The following RGPD8 variants were observed in gnomAD, a reference collection of about 807,000 sequenced individuals.
The protein encoded by RGPD8 is RANBP2-like and GRIP domain-containing protein 8.
A neutral mutation model predicts 89.1 loss-of-function variants in RGPD8; 15 were observed. The observed-to-expected ratio is 0.17, with a 90% CI of 0.11 to 0.26. The LOEUF (loss-of-function observed/expected upper bound fraction) is 0.26. Among genes scored for constraint, RGPD8 ranks in the 10% least tolerant of loss-of-function variants. RGPD8 has a pLI of 1.00. For missense variants in RGPD8, 178 were observed against 1,179.6 expected, an observed-to-expected ratio of 0.15 and a Z score of 12.44; for synonymous variants, 62 against 420.9, an observed-to-expected ratio of 0.15 and a Z score of 10.44.
At chr2:112,370,359 G>GGGGGGGGGTT (rs1249646916) in intron 22 of RGPD8, 147 bp from the exon 23 acceptor site, 3 of 100,748 alleles carry the variant, frequency 3.0e-5, no homozygotes, top group African/African-American at 1.4e-4. Flanking sequence ...GGGGGGGGGG[G>GGGGGGGGGTT]TTCTTTTTTT....
At position 112,389,276 on chromosome 2, in the gene RGPD8, T is replaced by TGAA. The variant is rs1265884558; in HGVS notation, c.3666_3668dup (p.Ser1223dup). 6.3e-7 allele frequency: 1 copy of TGAA among 1,579,328 alleles called. No individual in the cohort carries two copies. Among genetic ancestry groups the TGAA allele is most frequent in the Admixed American group, 1.7e-5 (1 of 59,238 alleles). ...CTGAGGCACCGGCCACACCTGTACCTGAACCCTTATTTTCTTCCTCAGTGA... is the reference window on the plus strand; with the variant it reads ...CTGAGGCACCGGCCACACCTGTACCTGAAGAACCCTTATTTTCTTCCTCAGTGA... On this transcript the variant is annotated inframe_insertion, in exon 20 of 23. Coordinates refer to ENST00000302558, the MANE Select transcript of RGPD8 (RefSeq NM_001164463.1).
At chr2:112,370,454 C>T (rs1399938809) in intron 22 of RGPD8, among the ~76,000 whole-genome samples, 1 of 112,994 alleles carries the variant, frequency 8.9e-6, no homozygotes, top group African/African-American at 3.4e-5. Flanking sequence ...TTCAATGCAG[C>T]CTTGATCTCC....
chr2:112,431,936 G>C (rs974517558), intron 1 of RGPD8, among the ~76,000 whole-genome samples: 5 of 152,172 alleles, frequency 3.3e-5, no homozygotes, highest in South Asian at 2.1e-4. Flanking sequence ...CACTGCGCCC[G>C]GCCAATATCC....
intron 22 of RGPD8, among the ~76,000 whole-genome samples, chr2:112,370,754 C>G (rs1677943338): frequency 7.3e-6 from 1 of 137,766 alleles, no homozygotes; most frequent in African/African-American, 2.7e-5. Flanking sequence ...AACTTAACAG[C>G]TAATTTTCTA....
chr2:112,374,674 C>A (rs1489711849), intron 22 of RGPD8, among the ~76,000 whole-genome samples: 3 of 126,774 alleles, frequency 2.4e-5, no homozygotes, highest in African/African-American at 5.4e-5. Context: ...GGATAGATAT[C>A]CTTCAACAGT....
At chr2:112,380,521 C>T (rs1342470174) in intron 21 of RGPD8, among the ~76,000 whole-genome samples, 4 of 147,956 alleles carry the variant, frequency 2.7e-5, no homozygotes, top group Non-Finnish European at 6.0e-5. Context: ...GGCATGTTGG[C>T]GGGCACCTGT....
At chr2:112,376,098 A>G (rs1177962893) in intron 22 of RGPD8, among the ~76,000 whole-genome samples, 4 of 126,034 alleles carry the variant, frequency 3.2e-5, no homozygotes. Flanking sequence ...AAAATGCAGA[A>G]TCTTGGGTCA....
chr2:112,433,152 G>A (rs1340022652), intron 1 of RGPD8, among the ~76,000 whole-genome samples: 2 of 125,080 alleles, frequency 1.6e-5, no homozygotes, highest in Admixed American at 1.6e-4. Context: ...GGTCGAGGCC[G>A]CCGCCTCAAC....
intron 20 of RGPD8, among the ~76,000 whole-genome samples, chr2:112,387,411 G>C (rs562695093): frequency 7.0e-5 from 10 of 143,438 alleles, no homozygotes; most frequent in Admixed American, 4.2e-4. Context: ...AGTCAGGCTG[G>C]AGTAAGTGGC....
rs542229657 is a variant in RGPD8, at chr2:112,387,366, G to GT, written c.4921+657dup. 6.2e-4 allele frequency among the ~76,000 whole-genome samples: 81 copies of GT among 131,438 alleles called. 4 individuals carry two copies. The highest frequency in any genetic ancestry group is 1.4e-3 in the East Asian group (7 of 4,904). 86.2% of individuals were successfully genotyped at this position (131,438 alleles called of 152,430 possible). On this transcript the variant is annotated intron_variant, in intron 20 of 22. Transcript: ENST00000302558. ...TGTTTTTTTTTGTTTTTTGTTTTTTGTTTTTTTTGGAGACAAAGTCTCACT... is the reference window on the plus strand; with the variant it reads ...TGTTTTTTTTTGTTTTTTGTTTTTTGTTTTTTTTTGGAGACAAAGTCTCACT...
intron 6 of RGPD8, among the ~76,000 whole-genome samples, chr2:112,415,398 ACT>A (rs1246625185): frequency 6.6e-6 from 1 of 150,974 alleles, no homozygotes; most frequent in Non-Finnish European, 1.5e-5. Flanking sequence ...CCTAAGCCAC[ACT>A]GTGAAACTGC....
At chr2:112,402,420 T>C (rs1297926426) in intron 9 of RGPD8, among the ~76,000 whole-genome samples, 3 of 147,958 alleles carry the variant, frequency 2.0e-5, no homozygotes, top group Admixed American at 2.0e-4. Flanking sequence ...GGCAAGACAA[T>C]TGCTTGAACC....
chr2:112,417,275 CTGTAT>C lies in RGPD8; in HGVS notation c.695_699del (p.Asn232ArgfsTer8), dbSNP rs1679456389. ...AGATTAGCATAGGCCAGCAGTAAGTCTGTATTGGTTGCTCGCCAGTCACTTTTATC... is the reference window on the plus strand; with the variant it reads ...AGATTAGCATAGGCCAGCAGTAAGTCTGGTTGCTCGCCAGTCACTTTTATC... On this transcript the variant is annotated frameshift_variant, in exon 6 of 23. Coordinates refer to ENST00000302558, the MANE Select transcript of RGPD8 (RefSeq NM_001164463.1). LOFTEE classifies it high-confidence loss of function. 1 of 1,610,416 alleles carries C rather than the reference CTGTAT, an allele frequency of 6.2e-7. No homozygotes were observed. The highest frequency in any genetic ancestry group is 8.5e-7 in the Non-Finnish European group (1 of 1,179,848).
chr2:112,432,924 G>A (rs1256983358), intron 1 of RGPD8, among the ~76,000 whole-genome samples: 7 of 150,684 alleles, frequency 4.6e-5, no homozygotes, highest in African/African-American at 1.7e-4. Flanking sequence ...GCGCCCTCGG[G>A]AGCCATGACC....
chr2:112,431,214 T>C (rs1318651733), intron 1 of RGPD8, among the ~76,000 whole-genome samples: 3 of 152,078 alleles, frequency 2.0e-5, no homozygotes, highest in Non-Finnish European at 4.4e-5. Flanking sequence ...GTCGAGATAG[T>C]GCCACTGCAT....
At position 112,370,236 on chromosome 2, in the gene RGPD8, A is replaced by G; in HGVS notation, c.5264-24T>C. 3 of 1,458,748 alleles carry G rather than the reference A, an allele frequency of 2.1e-6. 1 individual carries two copies. Among genetic ancestry groups the G allele is most frequent in the Non-Finnish European group, 2.8e-6 (3 of 1,074,982 alleles). 90.4% of individuals were successfully genotyped at this position (1,458,748 alleles called of 1,614,324 possible). ...ATCTTTAGAAAGTAAAACAAAGAAA[A>G]AAAAAAGAAAAAAGAGAGTATTAAA... is the stretch of plus-strand genomic sequence containing the variant. On this transcript the variant is annotated intron_variant, in intron 22 of 22. Transcript: ENST00000302558.
At chr2:112,376,520 A>G (rs1356349235) in intron 22 of RGPD8, among the ~76,000 whole-genome samples, 1 of 112,428 alleles carries the variant, frequency 8.9e-6, no homozygotes, top group Non-Finnish European at 1.9e-5. Flanking sequence ...TTATAGATAA[A>G]AAAACAACAA....
chr2:112,414,145 C>CT (rs1179088806), intron 6 of RGPD8, among the ~76,000 whole-genome samples: 4 of 147,516 alleles, frequency 2.7e-5, no homozygotes, highest in Non-Finnish European at 4.4e-5. Context: ...TTTCTGACTA[C>CT]TTTTTTGCTG....
Position 112,422,597 on chromosome 2 carries a change from A to C in RGPD8, c.203T>G (p.Leu68Arg), listed in dbSNP as rs1679602765. ...TGTGTTTTCTTCCAATTCATAAAGA[A>C]GACCCAGAAATCTGTGAGCTTTGGG... ...RDPKAHRFLG[L>R]LYELEENTEK... Residue 68 changes from leucine to arginine, a missense_variant, in exon 3 of 23, where the codon CTT (leucine) becomes CGT (arginine). Transcript: ENST00000302558. The C allele has an allele frequency of 6.2e-7, 1 of 1,609,632 alleles. No homozygotes were observed. Among genetic ancestry groups the C allele is most frequent in the Non-Finnish European group, 8.5e-7 (1 of 1,178,924 alleles).
Sources: allele counts gnomAD v4.1 joint callset (sites outside exome capture counted in the v4.1 genomes callset), GRCh38; gene constraint gnomAD v4.1.1; transcripts MANE v1.5; gene names NCBI Gene and HGNC (gene_info 2026-07-23, HGNC 2026-07-21).